The following SERPINA6 variants were observed in gnomAD, a reference collection of about 807,000 sequenced individuals.
SERPINA6 encodes serpin family A member 6.
In SERPINA6, 19 loss-of-function variants were observed where a neutral mutation model predicts 26.4. The observed-to-expected ratio is 0.72, with a 90% confidence interval of 0.50 to 1.06. The LOEUF (loss-of-function observed/expected upper bound fraction) is 1.06. SERPINA6 is among the 50% of genes least tolerant of loss of function. The pLI, the probability that SERPINA6 is intolerant of heterozygous loss-of-function variation, is 0.00. For synonymous variants in SERPINA6, 196 were observed against 199.4 expected (o/e 0.98, Z 0.14); for missense variants, 473 against 504.0 (o/e 0.94, Z 0.59).
chr14:94,313,116 G>A lies in SERPINA6; in HGVS notation c.613+920C>T, dbSNP rs144774433. Among the ~76,000 whole-genome samples, 12 of 152,326 alleles carry A rather than the reference G, an allele frequency of 7.9e-5. No individual in the cohort carries two copies. The East Asian group carries it at 1.9e-3, about 25-fold the overall frequency. ...GTCTTTCCTGGGTGACTCTGGGGAG[G>A]CTTCACAGAGGAGGTGACTTTTGAG... On this transcript the variant is annotated intron_variant, in intron 2 of 4. Coordinates refer to ENST00000341584, the MANE Select transcript of SERPINA6 (RefSeq NM_001756.4).
At chr14:94,305,291 C>G (rs1895421219) in intron 4 of SERPINA6, among the ~76,000 whole-genome samples, 1 of 152,134 alleles carries the variant, frequency 6.6e-6, no homozygotes. Flanking sequence ...GATTGGAACC[C>G]CTGCAGTGTG....
chr14:94,311,085 A>G (rs1412615597), intron 2 of SERPINA6, among the ~76,000 whole-genome samples: 3 of 152,210 alleles, frequency 2.0e-5, no homozygotes, highest in Non-Finnish European at 4.4e-5. Flanking sequence ...TGGAGACAAC[A>G]GGGAGAGGCT....
At chr14:94,306,557 A>ACC (rs1204029398) in intron 3 of SERPINA6, among the ~76,000 whole-genome samples, 1 of 152,094 alleles carries the variant, frequency 6.6e-6, no homozygotes, top group Non-Finnish European at 1.5e-5. Context: ...TCCCAGGAGA[A>ACC]CCCCTGCTAG....
chr14:94,317,932 C>G (rs79423352), intron 1 of SERPINA6, among the ~76,000 whole-genome samples: 1,653 of 152,282 alleles, frequency 0.011, 29 homozygotes, highest in African/African-American at 0.037. Flanking sequence ...ATGACATGAT[C>G]TTATATGTTC....
chr14:94,313,759 C>T, intron 2 of SERPINA6: 3 of 585,860 alleles, frequency 5.1e-6, no homozygotes, highest in Non-Finnish European at 6.2e-6. Flanking sequence ...ATTTGTGGAG[C>T]ATGAAGCAGC....
At chr14:94,312,742 G>A (rs1895549664) in intron 2 of SERPINA6, among the ~76,000 whole-genome samples, 1 of 152,160 alleles carries the variant, frequency 6.6e-6, no homozygotes, top group Non-Finnish European at 1.5e-5. Flanking sequence ...AGAGAAGAAG[G>A]ACTCGTAGAG....
intron 2 of SERPINA6, among the ~76,000 whole-genome samples, chr14:94,310,625 A>G (rs995570806): frequency 6.6e-6 from 1 of 152,182 alleles, no homozygotes; most frequent in South Asian, 2.1e-4. Flanking sequence ...TGGAGAGCTC[A>G]CTACCTTCAC....
intron 1 of SERPINA6, 122 bp downstream of exon 1, chr14:94,323,145 T>A (rs1040122629): frequency 6.6e-6 from 1 of 152,262 alleles, no homozygotes. Context: ...GCTGCCCTAA[T>A]GTTCAATGTG....
At chr14:94,305,779 C>CATGA (rs1301622679) in intron 4 of SERPINA6, among the ~76,000 whole-genome samples, 3 of 152,230 alleles carry the variant, frequency 2.0e-5, no homozygotes, top group Non-Finnish European at 4.4e-5. Context: ...ACAGCTCTGC[C>CATGA]ATGACAACTT....
intron 2 of SERPINA6, among the ~76,000 whole-genome samples, chr14:94,313,569 C>T (rs185865859): frequency 6.6e-6 from 1 of 152,278 alleles, no homozygotes; most frequent in Non-Finnish European, 1.5e-5. Flanking sequence ...GAAGTGCATT[C>T]CCCCCTAGAG....
rs758525045 is a variant in SERPINA6, at chr14:94,314,477, T to A, written c.172A>T (p.Ser58Cys). ...GAGATGAAAATGTTCTTTTTGGGAC[T>A]CAAGGCCACTAGGTGCTTATACAGG... ...FSLYKHLVAL[S>C]PKKNIFISPV... The change falls in exon 2 of 5, where the codon AGT (serine) becomes TGT (cysteine). Residue 58 changes from serine to cysteine, a missense_variant. Ser to Cys is a moderately radical substitution (Grantham distance 112). Coordinates refer to ENST00000341584, the MANE Select transcript of SERPINA6 (RefSeq NM_001756.4). The A allele has an allele frequency of 6.2e-7, 1 of 1,614,192 alleles. No homozygotes were observed. Among genetic ancestry groups the A allele is most frequent in the South Asian group, 1.1e-5 (1 of 91,080 alleles).
intron 3 of SERPINA6, among the ~76,000 whole-genome samples, chr14:94,309,182 CT>C (rs1359303943): frequency 6.6e-6 from 1 of 152,218 alleles, no homozygotes; most frequent in Non-Finnish European, 1.5e-5. Context: ...TTTCTTTCTA[CT>C]TACTCGCTTA....
In SERPINA6 at chr14:94,314,141, T is replaced by A. The variant is rs773046265; in HGVS notation, c.508A>T (p.Ile170Phe). 2.5e-6 allele frequency: 4 copies of A among 1,614,206 alleles called. No individual in the cohort carries two copies. The highest frequency in any genetic ancestry group is 1.1e-5 in the South Asian group (1 of 91,088). Residue 170 changes from isoleucine (I) to phenylalanine (F), a missense_variant, in exon 2 of 5, where the codon ATC (isoleucine) becomes TTC (phenylalanine). Transcript: ENST00000341584. ...GTCTTATTCTTGACATAGCTGTTGA[T>A]CTGTCTGCTGGCTGTTGCCCAGTCC... ...FQDWATASRQ[I>F]NSYVKNKTQG... is the part of the protein sequence containing the mutation.
At chr14:94,322,886 G>A (rs56252611) in intron 1 of SERPINA6, among the ~76,000 whole-genome samples, 13,965 of 152,276 alleles carry the variant, frequency 0.092, 858 homozygotes, top group Admixed American at 0.2. Flanking sequence ...ATCCTTCATC[G>A]GTGGTGCCGA....
intron 1 of SERPINA6, among the ~76,000 whole-genome samples, chr14:94,322,775 C>T (rs1308833419): frequency 6.6e-6 from 1 of 152,186 alleles, no homozygotes; most frequent in Non-Finnish European, 1.5e-5. Flanking sequence ...TGCCCCAGGT[C>T]ACTGAGTGAG....
At chr14:94,305,038 T>C (rs1379756977) in intron 4 of SERPINA6, among the ~76,000 whole-genome samples, 2 of 152,208 alleles carry the variant, frequency 1.3e-5, no homozygotes, top group African/African-American at 2.4e-5. Context: ...TGTAAATCTT[T>C]GACTGTTGAT....
chr14:94,313,445 G>C (rs1171240795), intron 2 of SERPINA6, among the ~76,000 whole-genome samples: 1 of 152,228 alleles, frequency 6.6e-6, no homozygotes, highest in Non-Finnish European at 1.5e-5. Context: ...AGGCAGGAAA[G>C]TCAGAATCAG....
chr14:94,317,291 T>C (rs1267627341), intron 1 of SERPINA6, among the ~76,000 whole-genome samples: 4 of 152,182 alleles, frequency 2.6e-5, no homozygotes, highest in African/African-American at 9.7e-5. Context: ...ATCATCTTAA[T>C]TGGTGCAGAA....
intron 1 of SERPINA6, among the ~76,000 whole-genome samples, chr14:94,316,161 T>A (rs914181714): frequency 6.6e-5 from 10 of 152,202 alleles, no homozygotes; most frequent in Non-Finnish European, 1.0e-4. Context: ...TTCCACAATT[T>A]GTAAAATTTC....
Sources: gnomAD v4.1 joint callset for allele counts (sites outside exome capture counted in the v4.1 genomes callset) on GRCh38, gnomAD v4.1.1 for gene constraint, MANE v1.5 for transcripts, NCBI Gene and HGNC (gene_info 2026-07-23, HGNC 2026-07-21) for gene names.